Variants in BTRC observed in about 807,000 individuals in gnomAD.
The protein encoded by BTRC is F-box/WD repeat-containing protein 1A.
In BTRC, 42 loss-of-function variants were observed where a neutral mutation model predicts 85.5. The ratio of observed to expected loss-of-function variants is 0.49; its 90% CI spans 0.38 to 0.64. BTRC has a LOEUF of 0.64. Among genes scored for constraint, BTRC ranks in the 30% least tolerant of loss-of-function variants. The pLI is 0.00. For missense variants in BTRC, 594 were observed against 743.5 expected, an observed-to-expected ratio of 0.80 and a Z score of 2.34; for synonymous variants, 255 against 263.3, an observed-to-expected ratio of 0.97 and a Z score of 0.30.
chr10:101,374,756 C>T (rs948372979), intron 1 of BTRC, among the ~76,000 whole-genome samples: 5 of 147,292 alleles, frequency 3.4e-5, no homozygotes, highest in African/African-American at 1.3e-4. Flanking sequence ...ACAATGTGCA[C>T]ATGTACCCTA....
At chr10:101,368,178 T>C (rs551537032) in intron 1 of BTRC, among the ~76,000 whole-genome samples, 147 of 152,318 alleles carry the variant, frequency 9.7e-4, no homozygotes, top group African/African-American at 3.4e-3. Context: ...CATTAGTTCC[T>C]GCCAGAGTTG....
At chr10:101,522,405 A>AC (rs2062128097) in intron 5 of BTRC, among the ~76,000 whole-genome samples, 1 of 38,336 alleles carries the variant, frequency 2.6e-5, no homozygotes, top group African/African-American at 6.7e-5. Context: ...AGAAATAAAG[A>AC]CTCCTTTTTT....
chr10:101,517,528 G>A (rs1030029969), intron 4 of BTRC, among the ~76,000 whole-genome samples: 8 of 152,212 alleles, frequency 5.3e-5, no homozygotes, highest in Non-Finnish European at 1.0e-4. Context: ...CATTGAGTAT[G>A]TCTGAGCAGG....
rs558635314 is a variant in BTRC at position 101,440,737 on chromosome 10, A to AG, written c.156+10287dup. 4.4e-3 allele frequency among the ~76,000 whole-genome samples: 672 copies of AG among 152,036 alleles called. 9 individuals carry two copies. Among genetic ancestry groups the AG allele is most frequent in the African/African-American group, 0.015 (638 of 41,348 alleles). The stretch of plus-strand genomic sequence containing the variant: ...GACTCCATCTAAAAAAGAAAAAAAA[A>AG]GGCAACTATTTAGCTTAGCCCTCTC... On this transcript the variant is annotated intron_variant, in intron 2 of 14. Coordinates refer to ENST00000370187, the MANE Select transcript of BTRC (RefSeq NM_033637.4).
chr10:101,411,323 G>T (rs1287749854), intron 1 of BTRC, among the ~76,000 whole-genome samples: 2 of 151,976 alleles, frequency 1.3e-5, no homozygotes, highest in East Asian at 3.9e-4. Context: ...GTTTTGTATG[G>T]GTTGGTCTAT....
chr10:101,527,279 T>G (rs917699644), intron 6 of BTRC, among the ~76,000 whole-genome samples: 1 of 152,336 alleles, frequency 6.6e-6, no homozygotes, highest in Middle Eastern at 3.4e-3. Context: ...AGTAGTTGGC[T>G]CTCTTTCTTT....
At chr10:101,429,185 A>G (rs1197785254) in intron 1 of BTRC, among the ~76,000 whole-genome samples, 1 of 152,154 alleles carries the variant, frequency 6.6e-6, no homozygotes, top group Non-Finnish European at 1.5e-5. Flanking sequence ...TTAGGTATTT[A>G]GTTTTTTAGT....
At chr10:101,405,467 C>T (rs1943597794) in intron 1 of BTRC, among the ~76,000 whole-genome samples, 1 of 152,180 alleles carries the variant, frequency 6.6e-6, no homozygotes, top group African/African-American at 2.4e-5. Context: ...GATACTCCTT[C>T]TGCACTCCTT....
At chr10:101,493,066 C>T (rs1439003046) in intron 4 of BTRC, among the ~76,000 whole-genome samples, 1 of 152,116 alleles carries the variant, frequency 6.6e-6, no homozygotes, top group Admixed American at 6.5e-5. Flanking sequence ...TTGTTAGTTA[C>T]TCCCTGCTTT....
chr10:101,424,414 T>C (rs571342017), intron 1 of BTRC, among the ~76,000 whole-genome samples: 2 of 152,316 alleles, frequency 1.3e-5, no homozygotes, highest in South Asian at 4.1e-4. Context: ...ATGATTATGG[T>C]ATACTGCATT....
At chr10:101,508,913 T>TAAAAAAAA (rs59998718) in intron 4 of BTRC, among the ~76,000 whole-genome samples, 44 of 101,928 alleles carry the variant, frequency 4.3e-4, no homozygotes, top group African/African-American at 1.0e-3. Context: ...GACTCCATCT[T>TAAAAAAAA]AAAAAAAAAA....
At chr10:101,463,696 A>C (rs1223474946) in intron 3 of BTRC, among the ~76,000 whole-genome samples, 1 of 152,084 alleles carries the variant, frequency 6.6e-6, no homozygotes, top group Non-Finnish European at 1.5e-5. Context: ...GATGAAGAAA[A>C]TGGAGGGTTA....
chr10:101,422,901 A>T, intron 1 of BTRC, among the ~76,000 whole-genome samples: 1 of 152,120 alleles, frequency 6.6e-6, no homozygotes, highest in South Asian at 2.1e-4. Flanking sequence ...GTCAGGTAGC[A>T]TGATGCCTCC....
chr10:101,367,448 A>G (rs1367834674), intron 1 of BTRC, among the ~76,000 whole-genome samples: 1 of 152,134 alleles, frequency 6.6e-6, no homozygotes, highest in Non-Finnish European at 1.5e-5. Flanking sequence ...AAAGTAAAAT[A>G]TATATACAAA....
intron 1 of BTRC, among the ~76,000 whole-genome samples, chr10:101,387,264 C>CT (rs1319789633): frequency 6.6e-6 from 1 of 151,326 alleles, no homozygotes; most frequent in East Asian, 1.9e-4. Flanking sequence ...TATTGTGATA[C>CT]ATATAGTGAT....
chr10:101,510,335 C>T (rs1406473647), intron 4 of BTRC, among the ~76,000 whole-genome samples: 3 of 151,804 alleles, frequency 2.0e-5, no homozygotes, highest in South Asian at 2.1e-4. Flanking sequence ...GGTGAAACCC[C>T]GTCTCTACTA....
chr10:101,464,164 A>G (rs1400312526), intron 3 of BTRC, among the ~76,000 whole-genome samples: 1 of 152,224 alleles, frequency 6.6e-6, no homozygotes, highest in Non-Finnish European at 1.5e-5. Context: ...AACTTTATTT[A>G]AGCTAACAAA....
rs114138983 is a variant in BTRC, at chr10:101,469,495, G to A, written c.234+7437G>A. 8.9e-3 allele frequency among the ~76,000 whole-genome samples: 1,348 copies of A among 152,172 alleles called. 19 individuals are homozygous for A. The highest frequency in any genetic ancestry group is 0.031 in the African/African-American group (1,273 of 41,514). On this transcript the variant is annotated intron_variant, in intron 3 of 14. Coordinates refer to ENST00000370187, the MANE Select transcript of BTRC (RefSeq NM_033637.4). ...TATTCATTCATGAAGGGAAAAGAGG[G>A]TAATTTTGAAGGAAAATAAATTTTC...
chr10:101,499,366 G>A (rs950562318), intron 4 of BTRC, among the ~76,000 whole-genome samples: 1 of 151,972 alleles, frequency 6.6e-6, no homozygotes, highest in African/African-American at 2.4e-5. Context: ...CGGGATTATA[G>A]GCATGCACCA....
Sources: allele counts gnomAD v4.1 joint callset (sites outside exome capture counted in the v4.1 genomes callset), GRCh38; gene constraint gnomAD v4.1.1; transcripts MANE v1.5; gene names NCBI Gene and HGNC (gene_info 2026-07-23, HGNC 2026-07-21).